Variants in GPR137B observed in about 807,000 individuals in gnomAD.
GPR137B encodes the protein integral membrane protein GPR137B.
In GPR137B, 42 loss-of-function variants were observed where a neutral mutation model predicts 42.5. That is an observed-to-expected ratio of 0.99 (90% confidence interval 0.77 to 1.28). The LOEUF (loss-of-function observed/expected upper bound fraction) is 1.28. Ranked by LOEUF, GPR137B falls within the 50% of genes most tolerant of loss-of-function variation. The pLI, the probability that GPR137B is intolerant of heterozygous loss-of-function variation, is 0.00. For missense variants in GPR137B, 487 were observed against 493.9 expected (o/e 0.99, Z 0.13); for synonymous variants, 218 against 209.7 (o/e 1.04, Z -0.34).
chr1:236,208,785 A>G lies in GPR137B; in HGVS notation c.*627A>G. On this transcript the variant is annotated 3_prime_UTR_variant, in exon 7 of 7. Transcript: ENST00000366592. The stretch of plus-strand genomic sequence containing the variant: ...CGTAGGTTCCTCAAGGAATCTCTTA[A>G]GTTTTGCCCAAAGACTGGTACTTCC... The G allele has an allele frequency of 1.0e-6, 1 of 985,334 alleles. No homozygotes were observed. Among genetic ancestry groups the G allele is most frequent in the Non-Finnish European group, 1.2e-6 (1 of 829,890 alleles). The allele number at this position is 985,334 out of a possible 1,614,324, so 61.0% of individuals were successfully genotyped here.
chr1:236,207,657 G>T (rs937750832), intron 6 of GPR137B, among the ~76,000 whole-genome samples: 1 of 152,202 alleles, frequency 6.6e-6, no homozygotes. Context: ...GGCCCACGAC[G>T]TAGTTACTAA....
At chr1:236,191,110 C>CT (rs925526291) in intron 5 of GPR137B, among the ~76,000 whole-genome samples, 1 of 152,014 alleles carries the variant, frequency 6.6e-6, no homozygotes, top group Non-Finnish European at 1.5e-5. Flanking sequence ...ATCTCATATC[C>CT]TTTCTTCCAC....
At chr1:236,167,544 G>A (rs1271028610) in intron 1 of GPR137B, among the ~76,000 whole-genome samples, 1 of 152,196 alleles carries the variant, frequency 6.6e-6, no homozygotes, top group Non-Finnish European at 1.5e-5. Context: ...ATGGAGAGAT[G>A]TTGGTCAAAG....
At chr1:236,200,358 T>C (rs1663456512) in intron 5 of GPR137B, among the ~76,000 whole-genome samples, 1 of 152,062 alleles carries the variant, frequency 6.6e-6, no homozygotes, top group Non-Finnish European at 1.5e-5. Context: ...TAAGTATCTG[T>C]TAAGTCCGTT....
Position 236,208,567 on chromosome 1 carries a change from T to C in GPR137B, c.*409T>C, listed in dbSNP as rs2102930261. On this transcript the variant is annotated 3_prime_UTR_variant, in exon 7 of 7. Coordinates refer to ENST00000366592, the MANE Select transcript of GPR137B (RefSeq NM_003272.4). The stretch of plus-strand genomic sequence containing the variant: ...TGGTCTAATAGTTTTTTAAAGCTTT[T>C]GGACTAAAGTATTCCACAAATCTTA... 1.0e-6 allele frequency: 1 copy of C among 959,560 alleles called. No homozygotes were observed. Among genetic ancestry groups the C allele is most frequent in the South Asian group, 4.8e-5 (1 of 20,940 alleles). 59.4% of individuals were successfully genotyped at this position (959,560 alleles called of 1,614,324 possible). A position where few individuals can be genotyped will look rare whatever the true frequency, so the allele number is the denominator to read the frequency against.
At chr1:236,144,282 G>A (rs1360992552) in intron 1 of GPR137B, among the ~76,000 whole-genome samples, 1 of 152,108 alleles carries the variant, frequency 6.6e-6, no homozygotes, top group Admixed American at 6.5e-5. Context: ...GGGTGTGGTA[G>A]TGCCCGCCTG....
At chr1:236,165,841 G>A (rs753905937) in intron 1 of GPR137B, among the ~76,000 whole-genome samples, 8 of 152,130 alleles carry the variant, frequency 5.3e-5, no homozygotes, top group Non-Finnish European at 1.2e-4. Context: ...TTTATTTTCG[G>A]TAATATTTCT....
At position 236,142,874 on chromosome 1, in the gene GPR137B, C is replaced by G. The variant is rs184824974; in HGVS notation, c.252C>G (p.Leu84=). Residue 84 remains leucine, a synonymous_variant, in exon 1 of 7, where the codon CTC becomes CTG. Transcript: ENST00000366592. ...GCTACCAGAGCGTCTTCCTCTTTCT[C>G]TGCCTCTTCTGGGCCTCCCTGCGGA... The part of the protein sequence containing the change: ...RLSYQSVFLF[L]CLFWASLRTV... 4.3e-6 allele frequency: 7 copies of G among 1,614,110 alleles called. No individual in the cohort carries two copies. Among genetic ancestry groups the G allele is most frequent in the Non-Finnish European group, 5.9e-6 (7 of 1,180,040 alleles).
intron 1 of GPR137B, among the ~76,000 whole-genome samples, chr1:236,146,513 G>C (rs1271497241): frequency 6.6e-6 from 1 of 152,144 alleles, no homozygotes; most frequent in African/African-American, 2.4e-5. Flanking sequence ...CAGGGTCCCT[G>C]TACCTGGGCC....
chr1:236,179,058 A>G (rs547458326), intron 3 of GPR137B, among the ~76,000 whole-genome samples: 58 of 151,762 alleles, frequency 3.8e-4, no homozygotes, highest in Admixed American at 1.2e-3. Context: ...CGGCCTCCCA[A>G]AGTACTGGGA....
intron 1 of GPR137B, among the ~76,000 whole-genome samples, chr1:236,167,668 T>C (rs1662400844): frequency 1.3e-5 from 2 of 152,170 alleles, no homozygotes; most frequent in South Asian, 4.1e-4. Flanking sequence ...AGTACTGTAT[T>C]GCAACCCTGT....
chr1:236,147,912 AACTC>A (rs1661728814), intron 1 of GPR137B, among the ~76,000 whole-genome samples: 1 of 152,176 alleles, frequency 6.6e-6, no homozygotes, highest in Non-Finnish European at 1.5e-5. Flanking sequence ...TGGTTCTGCT[AACTC>A]TCTCCGGGCC....
At chr1:236,170,973 CAAAA>C (rs780390422) in intron 2 of GPR137B, among the ~76,000 whole-genome samples, 2 of 83,036 alleles carry the variant, frequency 2.4e-5, no homozygotes, top group Non-Finnish European at 2.5e-5. Context: ...GACTCTGTCT[CAAAA>C]AAAAAAAAAA....
chr1:236,143,619 G>T (rs1661599444), intron 1 of GPR137B, among the ~76,000 whole-genome samples: 1 of 152,194 alleles, frequency 6.6e-6, no homozygotes, highest in Non-Finnish European at 1.5e-5. Context: ...TAAACAGCAG[G>T]CTGGGGTAAC....
chr1:236,188,952 G>C (rs1663112241), intron 5 of GPR137B, among the ~76,000 whole-genome samples: 1 of 152,092 alleles, frequency 6.6e-6, no homozygotes, highest in South Asian at 2.1e-4. Flanking sequence ...TCTGGTCCTG[G>C]ACTTTTTTCG....
chr1:236,193,337 T>C (rs1364897566), intron 5 of GPR137B, among the ~76,000 whole-genome samples: 1 of 152,200 alleles, frequency 6.6e-6, no homozygotes, highest in East Asian at 1.9e-4. Flanking sequence ...TATAAACATT[T>C]GTGTATAAGT....
intron 4 of GPR137B, among the ~76,000 whole-genome samples, chr1:236,180,700 C>T (rs1571990950): frequency 6.7e-6 from 1 of 149,618 alleles, no homozygotes; most frequent in Non-Finnish European, 1.5e-5. Flanking sequence ...AATGGCGCGA[C>T]CTGCCTCCCA....
chr1:236,164,133 G>C (rs191566186), intron 1 of GPR137B, among the ~76,000 whole-genome samples: 1 of 152,242 alleles, frequency 6.6e-6, no homozygotes, highest in Non-Finnish European at 1.5e-5. Context: ...TGACATGTCT[G>C]TCTGCCTGTG....
At chr1:236,163,828 A>G (rs1470355615) in intron 1 of GPR137B, among the ~76,000 whole-genome samples, 1 of 151,828 alleles carries the variant, frequency 6.6e-6, no homozygotes, top group Non-Finnish European at 1.5e-5. Flanking sequence ...ACAGACTAAT[A>G]TACCTCCTCA....
Sources: allele counts gnomAD v4.1 joint callset (sites outside exome capture counted in the v4.1 genomes callset), GRCh38; gene constraint gnomAD v4.1.1; transcripts MANE v1.5; gene names NCBI Gene and HGNC (gene_info 2026-07-23, HGNC 2026-07-21).